CCBE1: variants seen among roughly 807,000 people sequenced by gnomAD.
The protein encoded by CCBE1 is collagen and calcium binding EGF domains 1.
A neutral mutation model predicts 50.0 loss-of-function variants in CCBE1; 37 were observed. That is an observed-to-expected ratio of 0.74 (90% confidence interval 0.57 to 0.97). The LOEUF (loss-of-function observed/expected upper bound fraction) is 0.97. Among genes scored for constraint, CCBE1 ranks in the 50% least tolerant of loss-of-function variants. CCBE1 has a pLI of 0.00. For missense variants in CCBE1, 538 were observed against 523.8 expected, an observed-to-expected ratio of 1.03 and a Z score of -0.26; for synonymous variants, 234 against 203.7, an observed-to-expected ratio of 1.15 and a Z score of -1.27.
At chr18:59,439,397 G>T in intron 9 of CCBE1, 146 bp downstream of exon 9, 2 of 986,976 alleles carry the variant, frequency 2.0e-6, no homozygotes, top group Non-Finnish European at 3.2e-6. Context: ...AGCCAGAGAG[G>T]CAGAGGCTGT....
chr18:59,658,331 A>T lies in CCBE1; in HGVS notation c.212+38298T>A, dbSNP rs1206545365. On this transcript the variant is annotated intron_variant, in intron 2 of 10. Transcript: ENST00000439986. Reference sequence around the variant, plus strand: ...GCAAGACCCTGTCTCTAAAAAAAAAAAAAAAAAAAAAAAAAAAAAAAAAAT... The same window carrying T: ...GCAAGACCCTGTCTCTAAAAAAAAATAAAAAAAAAAAAAAAAAAAAAAAAT... Among the ~76,000 whole-genome samples the T allele has an allele frequency of 5.1e-3, 114 of 22,184 alleles. 14 individuals are homozygous for T. The highest frequency in any genetic ancestry group is 0.016 in the African/African-American group (86 of 5,240). The allele number at this position is 22,184 out of a possible 152,430, so 14.6% of individuals were successfully genotyped here.
At chr18:59,664,887 G>A (rs907886022) in intron 2 of CCBE1, among the ~76,000 whole-genome samples, 7 of 152,114 alleles carry the variant, frequency 4.6e-5, no homozygotes, top group African/African-American at 1.2e-4. Context: ...AGGCAAATCA[G>A]GACAATACTG....
intron 2 of CCBE1, among the ~76,000 whole-genome samples, chr18:59,580,126 G>C (rs1224843048): frequency 3.3e-5 from 5 of 152,152 alleles, no homozygotes; most frequent in Admixed American, 6.5e-5. Flanking sequence ...GAATTACTAA[G>C]CTAAAGGGAA....
chr18:59,455,576 A>G (rs974766191), intron 5 of CCBE1, among the ~76,000 whole-genome samples: 2 of 152,258 alleles, frequency 1.3e-5, no homozygotes, highest in African/African-American at 4.8e-5. Context: ...TAGGTGCTCC[A>G]TGGGCTTTTT....
intron 2 of CCBE1, among the ~76,000 whole-genome samples, chr18:59,487,112 G>T (rs546855035): frequency 2.0e-5 from 3 of 147,330 alleles, no homozygotes; most frequent in Admixed American, 1.4e-4. Flanking sequence ...TCTGATGAAG[G>T]CTTCTAAAGG....
At chr18:59,551,775 A>C (rs544206658) in intron 2 of CCBE1, among the ~76,000 whole-genome samples, 121 of 152,350 alleles carry the variant, frequency 7.9e-4, no homozygotes, top group African/African-American at 2.7e-3. Context: ...TCAAAGTCAG[A>C]AAGACTTACT....
chr18:59,571,295 A>G (rs1242008832), intron 2 of CCBE1, among the ~76,000 whole-genome samples: 1 of 152,184 alleles, frequency 6.6e-6, no homozygotes, highest in Admixed American at 6.5e-5. Context: ...AGTGATTTTA[A>G]AAAATCTATC....
chr18:59,469,713 G>A (rs909068401), intron 3 of CCBE1, 106 bp from the exon 4 acceptor site: 3 of 1,406,494 alleles, frequency 2.1e-6, no homozygotes, highest in South Asian at 1.2e-5. Context: ...AAGGGCACGT[G>A]TGAAGTGTGG....
intron 2 of CCBE1, among the ~76,000 whole-genome samples, chr18:59,534,428 C>T (rs1379552642): frequency 2.6e-5 from 4 of 152,182 alleles, no homozygotes; most frequent in East Asian, 1.9e-4. Flanking sequence ...GTCAGCCATA[C>T]ACCTAACCAG....
At chr18:59,455,055 G>A (rs754207944) in intron 5 of CCBE1, 104 bp from the exon 6 acceptor site, 1 of 865,520 alleles carries the variant, frequency 1.2e-6, no homozygotes, top group South Asian at 1.4e-5. Flanking sequence ...GTAGCTGACA[G>A]CGGGACATGC....
intron 2 of CCBE1, among the ~76,000 whole-genome samples, chr18:59,536,864 C>T (rs1013620899): frequency 1.3e-5 from 2 of 151,848 alleles, no homozygotes; most frequent in African/African-American, 4.8e-5. Context: ...TGGTGGCATG[C>T]ACCAGTAATC....
At chr18:59,517,976 G>A (rs760905730) in intron 2 of CCBE1, among the ~76,000 whole-genome samples, 17 of 152,166 alleles carry the variant, frequency 1.1e-4, no homozygotes, top group Non-Finnish European at 1.8e-4. Flanking sequence ...GTCACTGTCC[G>A]TGGTTCTGAA....
chr18:59,696,754 C>A lies in CCBE1; in HGVS notation c.132-45G>T, dbSNP rs758334403. ...AAATGTTCGATTCTCAGCGGGAGAG[C>A]GGAGGCGGGCAGCGCGCGCTGGGGA... On this transcript the variant is annotated intron_variant, in intron 1 of 10. Transcript: ENST00000439986. 5 of 1,595,608 alleles carry A rather than the reference C, an allele frequency of 3.1e-6. No individual in the cohort carries two copies. The South Asian group carries it at 5.5e-5, about 18-fold the overall frequency.
At chr18:59,491,397 A>G (rs536927563) in intron 2 of CCBE1, among the ~76,000 whole-genome samples, 8 of 152,264 alleles carry the variant, frequency 5.3e-5, no homozygotes, top group Non-Finnish European at 1.2e-4. Context: ...CTCCCTCCTA[A>G]GCTGCAAATG....
intron 2 of CCBE1, among the ~76,000 whole-genome samples, chr18:59,531,553 G>C (rs2144354837): frequency 6.6e-6 from 1 of 152,182 alleles, no homozygotes; most frequent in Non-Finnish European, 1.5e-5. Context: ...TTCAAGACCA[G>C]CCTGGGCAAC....
intron 2 of CCBE1, among the ~76,000 whole-genome samples, chr18:59,680,983 A>T (rs1452892760): frequency 6.6e-6 from 1 of 152,072 alleles, no homozygotes; most frequent in Non-Finnish European, 1.5e-5. Flanking sequence ...AATAAATACA[A>T]AAACCTGATA....
intron 2 of CCBE1, among the ~76,000 whole-genome samples, chr18:59,602,151 A>G (rs1431670580): frequency 2.0e-5 from 3 of 152,048 alleles, no homozygotes; most frequent in Non-Finnish European, 4.4e-5. Context: ...TAACACCACA[A>G]ATTGGGTCCC....
chr18:59,538,062 A>C (rs1915322849), intron 2 of CCBE1, among the ~76,000 whole-genome samples: 1 of 152,238 alleles, frequency 6.6e-6, no homozygotes, highest in Admixed American at 6.5e-5. Context: ...TACTTAAGCA[A>C]AACAGCTTGT....
chr18:59,514,913 C>A (rs1914303414), intron 2 of CCBE1, among the ~76,000 whole-genome samples: 1 of 152,040 alleles, frequency 6.6e-6, no homozygotes, highest in Non-Finnish European at 1.5e-5. Flanking sequence ...CACTTTACGC[C>A]TAGAATTACA....
Sources: allele counts gnomAD v4.1 joint callset (sites outside exome capture counted in the v4.1 genomes callset), GRCh38; gene constraint gnomAD v4.1.1; transcripts MANE v1.5; gene names NCBI Gene and HGNC (gene_info 2026-07-23, HGNC 2026-07-21).